DOCK3: variants seen among roughly 807,000 people sequenced by gnomAD.
DOCK3 encodes dedicator of cytokinesis 3.
Under a neutral mutation model 265.6 loss-of-function variants are expected in DOCK3, and 60 were observed. The observed-to-expected ratio is 0.23, with a 90% CI of 0.18 to 0.28. The LOEUF is 0.28. Ranked by LOEUF, DOCK3 falls within the 10% of genes least tolerant of loss-of-function variation. The pLI is 1.00. For synonymous variants in DOCK3, 881 were observed against 938.0 expected, an observed-to-expected ratio of 0.94 and a Z score of 1.11; for missense variants, 1,981 against 2,594.3, an observed-to-expected ratio of 0.76 and a Z score of 5.14.
chr3:50,875,591 G>A (rs532201334), intron 3 of DOCK3, among the ~76,000 whole-genome samples: 37 of 152,088 alleles, frequency 2.4e-4, no homozygotes, highest in Non-Finnish European at 4.9e-4. Flanking sequence ...TTGTTGATGT[G>A]ATATATCATG....
chr3:50,744,917 C>T (rs919511748), intron 1 of DOCK3, among the ~76,000 whole-genome samples: 8 of 152,184 alleles, frequency 5.3e-5, no homozygotes, highest in Non-Finnish European at 1.0e-4. Context: ...TTTTATTGAT[C>T]TATATGTCTA....
At chr3:50,761,254 A>T (rs1203122825) in intron 1 of DOCK3, among the ~76,000 whole-genome samples, 1 of 152,178 alleles carries the variant, frequency 6.6e-6, no homozygotes, top group African/African-American at 2.4e-5. Flanking sequence ...TTTGCAACAC[A>T]CATGGTACGT....
At chr3:51,311,410 A>G (rs977024924) in intron 28 of DOCK3, among the ~76,000 whole-genome samples, 1 of 152,176 alleles carries the variant, frequency 6.6e-6, no homozygotes, top group Non-Finnish European at 1.5e-5. Flanking sequence ...TTCCAGCAGG[A>G]CAGCCTCCCA....
chr3:51,335,469 C>T (rs767428484), intron 35 of DOCK3, among the ~76,000 whole-genome samples: 5 of 152,180 alleles, frequency 3.3e-5, no homozygotes, highest in African/African-American at 7.2e-5. Context: ...CTTACCTTTC[C>T]GTGCACACAT....
chr3:51,024,397 G>A (rs1450160970), intron 5 of DOCK3, among the ~76,000 whole-genome samples: 9 of 152,190 alleles, frequency 5.9e-5, no homozygotes, highest in Admixed American at 5.9e-4. Context: ...GGTAGTCACT[G>A]GTTGTAGCTA....
At chr3:50,777,823 C>T (rs1053968225) in intron 1 of DOCK3, among the ~76,000 whole-genome samples, 8 of 151,758 alleles carry the variant, frequency 5.3e-5, no homozygotes, top group South Asian at 2.1e-4. Flanking sequence ...TTTTGTATGA[C>T]GGGTTTTCTA....
intron 9 of DOCK3, among the ~76,000 whole-genome samples, chr3:51,092,849 T>G (rs2082690479): frequency 6.6e-6 from 1 of 152,118 alleles, no homozygotes; most frequent in South Asian, 2.1e-4. Flanking sequence ...TTGAGTTAAT[T>G]TTTGTATAAG....
At chr3:50,724,550 A>T (rs2037690790) in intron 1 of DOCK3, among the ~76,000 whole-genome samples, 1 of 152,182 alleles carries the variant, frequency 6.6e-6, no homozygotes, top group African/African-American at 2.4e-5. Flanking sequence ...AGGGACATGG[A>T]TGAAACTGGA....
chr3:51,357,685 C>G, intron 44 of DOCK3, 73 bp from the exon 45 acceptor site: 1 of 1,510,284 alleles, frequency 6.6e-7, no homozygotes, highest in African/African-American at 1.4e-5. Flanking sequence ...CATTAGTGGA[C>G]TCAAGTCTCC....
intron 9 of DOCK3, among the ~76,000 whole-genome samples, chr3:51,108,387 G>A (rs977645015): frequency 1.3e-5 from 2 of 152,128 alleles, no homozygotes; most frequent in South Asian, 2.1e-4. Flanking sequence ...GCTTCTAAAC[G>A]AAGCACTAAA....
At chr3:51,097,984 A>G (rs764938141) in intron 9 of DOCK3, among the ~76,000 whole-genome samples, 3 of 152,180 alleles carry the variant, frequency 2.0e-5, no homozygotes, top group Non-Finnish European at 2.9e-5. Flanking sequence ...GGGTACCTCA[A>G]TTGGAAATGC....
At chr3:51,146,177 A>T (rs937435337) in intron 9 of DOCK3, among the ~76,000 whole-genome samples, 13 of 152,214 alleles carry the variant, frequency 8.5e-5, no homozygotes, top group African/African-American at 3.1e-4. Context: ...TGATGATCTG[A>T]GTGCTCACAT....
At chr3:51,003,640 T>A (rs2078562227) in intron 5 of DOCK3, among the ~76,000 whole-genome samples, 1 of 152,232 alleles carries the variant, frequency 6.6e-6, no homozygotes, top group African/African-American at 2.4e-5. Flanking sequence ...CTATGCCAAC[T>A]TTTTAATTTT....
chr3:51,339,849 A>G (rs2085122157), intron 37 of DOCK3, among the ~76,000 whole-genome samples: 1 of 152,224 alleles, frequency 6.6e-6, no homozygotes, highest in African/African-American at 2.4e-5. Context: ...AATTTAAGCT[A>G]TCCTTGTCTG....
intron 5 of DOCK3, among the ~76,000 whole-genome samples, chr3:50,936,205 A>G (rs1251337356): frequency 6.6e-6 from 1 of 152,030 alleles, no homozygotes. Flanking sequence ...GAAATTATAG[A>G]GAAATGAACA....
chr3:50,796,853 T>G (rs1187594181), intron 2 of DOCK3, among the ~76,000 whole-genome samples: 1 of 152,088 alleles, frequency 6.6e-6, no homozygotes, highest in Non-Finnish European at 1.5e-5. Context: ...TTGCAGAAGA[T>G]TTTAGGGGGC....
intron 4 of DOCK3, among the ~76,000 whole-genome samples, chr3:50,930,869 G>T (rs972672286): frequency 6.6e-6 from 1 of 152,146 alleles, no homozygotes; most frequent in Non-Finnish European, 1.5e-5. Flanking sequence ...CCCCGAAGTG[G>T]GCACCACTCT....
intron 9 of DOCK3, among the ~76,000 whole-genome samples, chr3:51,132,508 G>A (rs529474156): frequency 3.5e-4 from 53 of 152,138 alleles, no homozygotes; most frequent in Non-Finnish European, 5.1e-4. Context: ...CTGTCACTCA[G>A]GGCAGTCATA....
chr3:50,826,834 A>C (rs1024463451), intron 2 of DOCK3, among the ~76,000 whole-genome samples: 1 of 152,188 alleles, frequency 6.6e-6, no homozygotes, highest in Non-Finnish European at 1.5e-5. Context: ...AAATAAAGTA[A>C]AAAGACAAAG....
Sources: gnomAD v4.1 joint callset for allele counts (sites outside exome capture counted in the v4.1 genomes callset) on GRCh38, gnomAD v4.1.1 for gene constraint, MANE v1.5 for transcripts, NCBI Gene and HGNC (gene_info 2026-07-23, HGNC 2026-07-21) for gene names.